Variants in NGDN observed in about 807,000 individuals in gnomAD.
NGDN encodes the protein neuroguidin, also known as EIF4E-binding protein.
A neutral mutation model predicts 45.2 loss-of-function variants in NGDN; 41 were observed. The observed-to-expected ratio is 0.91, with a 90% CI of 0.71 to 1.18. The LOEUF is 1.18. NGDN is among the 50% of genes most tolerant of loss of function. The pLI is 0.00. For missense variants in NGDN, 402 were observed against 399.9 expected (o/e 1.01, Z -0.05); for synonymous variants, 137 against 130.9 (o/e 1.05, Z -0.32).
rs1003078753 is a variant in NGDN at position 23,476,310 on chromosome 14, A to G, written c.616A>G (p.Ile206Val). 2 of 1,614,000 alleles carry G rather than the reference A, an allele frequency of 1.2e-6. No individual in the cohort carries two copies. Among genetic ancestry groups the G allele is most frequent in the African/African-American group, 2.7e-5 (2 of 74,930 alleles). ...GAGACGGGCATTGAGCAGCTCTGTC[A>G]TTCGTGAACTTAAGGAGCAGTACTC... ...AKRRALSSSV[I>V]RELKEQYSDA... The change falls in exon 8 of 11, where the codon ATT becomes GTT. Residue 206 changes from isoleucine to valine, a missense_variant. Physicochemically the swap from Ile to Val is conservative, Grantham distance 29. Transcript: ENST00000408901.
chr14:23,475,865 C>G, intron 6 of NGDN, 87 bp downstream of exon 6: 1 of 1,477,328 alleles, frequency 6.8e-7, no homozygotes, highest in African/African-American at 1.4e-5. Context: ...CCCTGGGATT[C>G]TCTTAGGACT....
At chr14:23,476,528 C>A in intron 8 of NGDN, 121 bp downstream of exon 8, 1 of 967,808 alleles carries the variant, frequency 1.0e-6, no homozygotes, top group Non-Finnish European at 1.4e-6. Flanking sequence ...GGAGTGAAAA[C>A]TTTGGGATGA....
At chr14:23,475,665 A>G (rs371953231) in intron 5 of NGDN, 23 bp downstream of exon 5, 9 of 1,613,656 alleles carry the variant, frequency 5.6e-6, no homozygotes, top group Admixed American at 1.7e-5. Context: ...ACCATCATGA[A>G]GTTGTGGGGA....
chr14:23,476,870 A>G (rs574316209), intron 8 of NGDN, among the ~76,000 whole-genome samples: 2 of 152,344 alleles, frequency 1.3e-5, no homozygotes, highest in Admixed American at 6.5e-5. Context: ...CAGTCTTTGC[A>G]GTTGATGGAT....
chr14:23,474,037 CAAA>C (rs10713402), intron 3 of NGDN, among the ~76,000 whole-genome samples: 30 of 88,714 alleles, frequency 3.4e-4, no homozygotes, highest in Admixed American at 4.7e-4. Context: ...GACTCCATCT[CAAA>C]AAAAAAAAAA....
intron 1 of NGDN, 34 bp downstream of exon 1, chr14:23,469,761 A>C (rs201382203): frequency 1.2e-6 from 2 of 1,613,620 alleles, no homozygotes; most frequent in East Asian, 2.2e-5. Flanking sequence ...TCGCGTAGCT[A>C]TTGTGGAGTT....
Position 23,476,278 on chromosome 14 carries a change from G to T in NGDN, c.584G>T (p.Arg195Leu), listed in dbSNP as rs945127925. ...GAGCGGGAGAAGAAGCGTCTAGAAC[G>T]AGCCAAGAGACGGGCATTGAGCAGC... ...EAEREKKRLERAKRRALSSSV... is the reference protein window; with the variant it reads ...EAEREKKRLELAKRRALSSSV... The change falls in exon 8 of 11, where the codon CGA (arginine) becomes CTA (leucine). Residue 195 changes from arginine (R) to leucine (L), a missense_variant. Arg to Leu is a moderately radical substitution (Grantham distance 102). Coordinates refer to ENST00000408901, the MANE Select transcript of NGDN (RefSeq NM_001042635.2). The T allele has an allele frequency of 6.2e-7, 1 of 1,614,148 alleles. No individual in the cohort carries two copies. The highest frequency in any genetic ancestry group is 1.3e-5 in the African/African-American group (1 of 75,020).
Position 23,475,662 on chromosome 14 carries a change from T to C in NGDN, c.367+20T>C. On this transcript the variant is annotated intron_variant, in intron 5 of 10. Transcript: ENST00000408901. Reference sequence around the variant, plus strand: ...GCCTTAGTAAGTGAGGAGACCATCATGAAGTTGTGGGGACCATCAGAAAGT... The same window carrying C: ...GCCTTAGTAAGTGAGGAGACCATCACGAAGTTGTGGGGACCATCAGAAAGT... 2.5e-6 allele frequency: 4 copies of C among 1,613,890 alleles called. No individual in the cohort carries two copies. Among genetic ancestry groups the C allele is most frequent in the Non-Finnish European group, 3.4e-6 (4 of 1,179,748 alleles).
intron 3 of NGDN, among the ~76,000 whole-genome samples, chr14:23,472,711 G>C (rs916605175): frequency 6.6e-6 from 1 of 152,172 alleles, no homozygotes; most frequent in African/African-American, 2.4e-5. Context: ...GTAAATACAA[G>C]TATGAAAATC....
At chr14:23,477,665 C>G (rs1466687585) in intron 10 of NGDN, 105 bp downstream of exon 10, 2 of 1,561,894 alleles carry the variant, frequency 1.3e-6, no homozygotes, top group Non-Finnish European at 1.7e-6. Flanking sequence ...TGTAGTATCT[C>G]TTCCATACTG....
chr14:23,471,016 T>C, intron 3 of NGDN, 39 bp downstream of exon 3: 2 of 1,347,524 alleles, frequency 1.5e-6, no homozygotes, highest in Non-Finnish European at 2.0e-6. Context: ...CCTGACTTAA[T>C]GTTCTCAGTA....
At chr14:23,469,763 T>C (rs1378979775) in intron 1 of NGDN, 36 bp downstream of exon 1, 1 of 1,613,842 alleles carries the variant, frequency 6.2e-7, no homozygotes, top group East Asian at 2.2e-5. Flanking sequence ...GCGTAGCTAT[T>C]GTGGAGTTGT....
chr14:23,473,608 C>T (rs901450418), intron 3 of NGDN, among the ~76,000 whole-genome samples: 103 of 151,768 alleles, frequency 6.8e-4, no homozygotes, highest in African/African-American at 2.1e-3. Context: ...AGGTGGATCA[C>T]GAGGTCAGGA....
At chr14:23,474,730 T>G (rs1229049313) in intron 3 of NGDN, among the ~76,000 whole-genome samples, 1 of 152,220 alleles carries the variant, frequency 6.6e-6, no homozygotes, top group East Asian at 1.9e-4. Flanking sequence ...TTACTTTGAT[T>G]AAATTAATTT....
At chr14:23,476,670 A>G (rs79657375) in intron 8 of NGDN, among the ~76,000 whole-genome samples, 1,856 of 152,346 alleles carry the variant, frequency 0.012, 51 homozygotes, top group African/African-American at 0.042. Context: ...AAGCAGTACA[A>G]AGAGGAATGT....
intron 10 of NGDN, 80 bp from the exon 11 acceptor site, chr14:23,477,927 C>T (rs2138727836): frequency 6.2e-7 from 1 of 1,613,526 alleles, no homozygotes; most frequent in East Asian, 2.2e-5. Flanking sequence ...GTGAGCCCTT[C>T]CCTCTAGATG....
intron 8 of NGDN, 85 bp downstream of exon 8, chr14:23,476,492 A>G (rs1893907944): frequency 8.6e-7 from 1 of 1,167,356 alleles, no homozygotes; most frequent in Non-Finnish European, 1.2e-6. Context: ...GTTTGGTACC[A>G]AGAGAATTAA....
intron 3 of NGDN, among the ~76,000 whole-genome samples, chr14:23,472,393 G>A (rs978374606): frequency 5.9e-5 from 9 of 151,824 alleles, no homozygotes; most frequent in Admixed American, 4.6e-4. Flanking sequence ...CCGGTTACTC[G>A]GGAGGCTGAG....
chr14:23,476,025 G>T lies in NGDN; in HGVS notation c.421-4G>T. 1 of 1,613,992 alleles carries T rather than the reference G, an allele frequency of 6.2e-7. No homozygotes were observed. Reference sequence around the variant, plus strand: ...TAAATTTGCAGACATTGTTTCTTTTGTAGTTGAGCTCTGAGGATGAGGAGG... The same window carrying T: ...TAAATTTGCAGACATTGTTTCTTTTTTAGTTGAGCTCTGAGGATGAGGAGG... On this transcript the variant is annotated splice_region_variant and splice_polypyrimidine_tract_variant and intron_variant, in intron 6 of 10. Transcript: ENST00000408901.
Sources: allele counts gnomAD v4.1 joint callset (sites outside exome capture counted in the v4.1 genomes callset), GRCh38; gene constraint gnomAD v4.1.1; transcripts MANE v1.5; gene names NCBI Gene and HGNC (gene_info 2026-07-23, HGNC 2026-07-21).